Variants in MCC observed in about 807,000 individuals in gnomAD.
The protein encoded by MCC is MCC regulator of Wnt signaling pathway.
Under a neutral mutation model 116.2 loss-of-function variants are expected in MCC, and 90 were observed. The observed-to-expected ratio is 0.77, with a 90% CI of 0.65 to 0.92. The LOEUF (loss-of-function observed/expected upper bound fraction) is 0.92, where lower values mean the gene tolerates loss of function less well. Ranked by LOEUF, MCC falls within the 40% of genes least tolerant of loss-of-function variation. The pLI is 0.00. For synonymous variants in MCC, 578 were observed against 510.5 expected (o/e 1.13, Z -1.78); for missense variants, 1,516 against 1,312.2 (o/e 1.16, Z -2.40).
chr5:113,107,119 AT>A (rs1561355834), intron 6 of MCC, among the ~76,000 whole-genome samples: 1 of 151,792 alleles, frequency 6.6e-6, no homozygotes, highest in Non-Finnish European at 1.5e-5. Context: ...GTCAAATATT[AT>A]TTTTTAAATA....
chr5:113,099,135 T>A (rs190648520), intron 8 of MCC, among the ~76,000 whole-genome samples: 221 of 152,344 alleles, frequency 1.5e-3, no homozygotes, highest in African/African-American at 5.0e-3. Flanking sequence ...TACACTCATC[T>A]TGAAATAAAA....
intron 3 of MCC, among the ~76,000 whole-genome samples, chr5:113,280,300 A>G (rs1459425166): frequency 6.6e-6 from 1 of 152,188 alleles, no homozygotes; most frequent in Non-Finnish European, 1.5e-5. Flanking sequence ...GCTGGTTGAT[A>G]TAAAAGTAGT....
At chr5:113,095,318 C>T (rs919004188) in intron 8 of MCC, among the ~76,000 whole-genome samples, 1 of 152,036 alleles carries the variant, frequency 6.6e-6, no homozygotes, top group African/African-American at 2.4e-5. Context: ...ATTTTGGTAC[C>T]AAGAGTTAAC....
intron 14 of MCC, among the ~76,000 whole-genome samples, chr5:113,062,304 A>G (rs1753279950): frequency 6.6e-6 from 1 of 152,258 alleles, no homozygotes. Context: ...TCTCAAAATC[A>G]AGGCTAACCT....
intron 3 of MCC, among the ~76,000 whole-genome samples, chr5:113,232,252 T>C (rs971520800): frequency 6.6e-6 from 1 of 152,188 alleles, no homozygotes; most frequent in Admixed American, 6.5e-5. Flanking sequence ...CTTTTCAGAT[T>C]TGCATTTCTG....
chr5:113,170,303 G>C (rs1010275072), intron 3 of MCC, among the ~76,000 whole-genome samples: 2 of 152,108 alleles, frequency 1.3e-5, no homozygotes, highest in African/African-American at 2.4e-5. Context: ...TTCTTCAATG[G>C]ACTTTACTTC....
chr5:113,164,571 G>A (rs1005290585), intron 3 of MCC, among the ~76,000 whole-genome samples: 4 of 152,090 alleles, frequency 2.6e-5, no homozygotes, highest in African/African-American at 4.8e-5. Context: ...CTTACGTGTC[G>A]ATCACTTTAC....
chr5:113,227,019 T>A (rs1249698911), intron 3 of MCC, among the ~76,000 whole-genome samples: 1 of 152,248 alleles, frequency 6.6e-6, no homozygotes, highest in African/African-American at 2.4e-5. Context: ...GATAAGGCAA[T>A]GCAGTTATGA....
chr5:113,100,464 C>CTTTTTTTTTTTTTTTTTTTT (rs10649958), intron 8 of MCC, among the ~76,000 whole-genome samples: 1 of 78,810 alleles, frequency 1.3e-5, no homozygotes, highest in African/African-American at 4.6e-5. Flanking sequence ...GTATTTTTCC[C>CTTTTTTTTTTTTTTTTTTTT]TTTTTTTTTT....
chr5:113,043,611 G>A lies in MCC; in HGVS notation c.2675C>T (p.Ser892Phe), dbSNP rs1751875802. Residue 892 changes from serine (S) to phenylalanine (F), a missense_variant, in exon 17 of 19, where the codon TCC (serine) becomes TTC (phenylalanine). Physicochemically the swap from Ser to Phe is radical, Grantham distance 155. Coordinates refer to ENST00000408903, the MANE Select transcript of MCC (RefSeq NM_001085377.2). Reference sequence around the variant, plus strand: ...GAGTTCGGCTAGGGACAGAGCTGGGGAGGCAGCATCAGCACACTCCTGACA... The same window carrying A: ...GAGTTCGGCTAGGGACAGAGCTGGGAAGGCAGCATCAGCACACTCCTGACA... ...KPGKECADAA[S>F]PALSLAELRT... 6.2e-7 allele frequency: 1 copy of A among 1,614,044 alleles called. No homozygotes were observed. The highest frequency in any genetic ancestry group is 8.5e-7 in the Non-Finnish European group (1 of 1,179,882).
chr5:113,335,049 G>T (rs1767839733), intron 3 of MCC, among the ~76,000 whole-genome samples: 1 of 151,690 alleles, frequency 6.6e-6, no homozygotes, highest in Non-Finnish European at 1.5e-5. Context: ...CTTTGACTCT[G>T]AACAATGCCC....
intron 3 of MCC, among the ~76,000 whole-genome samples, chr5:113,200,229 G>A (rs1159397053): frequency 6.6e-6 from 1 of 152,042 alleles, no homozygotes; most frequent in Non-Finnish European, 1.5e-5. Flanking sequence ...AAAGGGAGCT[G>A]GAATCTCATT....
At chr5:113,417,541 T>C (rs1037380908) in intron 1 of MCC, among the ~76,000 whole-genome samples, 1 of 115,560 alleles carries the variant, frequency 8.7e-6, no homozygotes, top group East Asian at 2.0e-4. Context: ...GCCACAACCA[T>C]GACAAACTTG....
At chr5:113,315,050 T>G (rs1287638573) in intron 3 of MCC, among the ~76,000 whole-genome samples, 3 of 152,240 alleles carry the variant, frequency 2.0e-5, no homozygotes, top group Non-Finnish European at 4.4e-5. Flanking sequence ...TTGCTCTCCA[T>G]CAGTAAATAA....
intron 1 of MCC, among the ~76,000 whole-genome samples, chr5:113,405,713 G>A (rs1397070085): frequency 6.6e-6 from 1 of 151,976 alleles, no homozygotes; most frequent in Non-Finnish European, 1.5e-5. Flanking sequence ...AAGCTAAGGT[G>A]GGAAGATCCT....
intron 2 of MCC, among the ~76,000 whole-genome samples, chr5:113,369,286 GCTAC>G (rs1418177959): frequency 4.6e-5 from 7 of 152,252 alleles, no homozygotes; most frequent in African/African-American, 1.7e-4. Flanking sequence ...TCATCCTGAA[GCTAC>G]CTAGGGGCTG....
chr5:113,473,633 A>G (rs1479163131), intron 1 of MCC, among the ~76,000 whole-genome samples: 1 of 152,248 alleles, frequency 6.6e-6, no homozygotes, highest in Non-Finnish European at 1.5e-5. Context: ...AGTAGTTTTT[A>G]GGTTTACTCC....
intron 3 of MCC, among the ~76,000 whole-genome samples, chr5:113,187,255 T>C (rs1445696247): frequency 1.3e-5 from 2 of 152,198 alleles, no homozygotes; most frequent in Non-Finnish European, 2.9e-5. Context: ...ATTACAAGCA[T>C]GCGCCACCAT....
chr5:113,188,998 G>A (rs894979975), intron 3 of MCC, among the ~76,000 whole-genome samples: 1 of 152,328 alleles, frequency 6.6e-6, no homozygotes, highest in Non-Finnish European at 1.5e-5. Context: ...AGACACAGCT[G>A]ACCTTGGTGC....
Sources: allele counts gnomAD v4.1 joint callset (sites outside exome capture counted in the v4.1 genomes callset), GRCh38; gene constraint gnomAD v4.1.1; transcripts MANE v1.5; gene names NCBI Gene and HGNC (gene_info 2026-07-23, HGNC 2026-07-21).